The following TMEFF2 variants were observed in gnomAD, a reference collection of about 807,000 sequenced individuals.
The protein encoded by TMEFF2 is transmembrane protein with EGF like and two follistatin like domains 2.
A neutral mutation model predicts 53.8 loss-of-function variants in TMEFF2; 28 were observed. That is an observed-to-expected ratio of 0.52 (90% CI 0.39 to 0.71). The LOEUF (loss-of-function observed/expected upper bound fraction) is 0.71, where lower values mean the gene tolerates loss of function less well. Among genes scored for constraint, TMEFF2 ranks in the 30% least tolerant of loss-of-function variants. The pLI is 0.00. For missense variants in TMEFF2, 353 were observed against 455.2 expected, an observed-to-expected ratio of 0.78 and a Z score of 2.04; for synonymous variants, 162 against 166.3, an observed-to-expected ratio of 0.97 and a Z score of 0.20.
At chr2:192,082,469 A>G (rs563282891) in intron 4 of TMEFF2, among the ~76,000 whole-genome samples, 9 of 152,214 alleles carry the variant, frequency 5.9e-5, no homozygotes, top group Admixed American at 3.3e-4. Context: ...CAATGCTACC[A>G]AAAACAAATG....
chr2:192,093,085 G>A (rs1372755161), intron 4 of TMEFF2, among the ~76,000 whole-genome samples: 1 of 152,140 alleles, frequency 6.6e-6, no homozygotes, highest in Non-Finnish European at 1.5e-5. Flanking sequence ...GCTGGCCTTT[G>A]TTGGGCAGAT....
chr2:192,131,017 C>T (rs1689811247), intron 4 of TMEFF2, among the ~76,000 whole-genome samples: 1 of 152,006 alleles, frequency 6.6e-6, no homozygotes. Context: ...TGCCTTGGTC[C>T]TTCACCCTTA....
chr2:192,090,147 T>C (rs1456046475), intron 4 of TMEFF2, among the ~76,000 whole-genome samples: 5 of 152,192 alleles, frequency 3.3e-5, no homozygotes, highest in Admixed American at 3.3e-4. Context: ...ATGATAAACT[T>C]GACTGTAAAA....
At chr2:192,080,330 T>A (rs1688522926) in intron 4 of TMEFF2, among the ~76,000 whole-genome samples, 1 of 152,120 alleles carries the variant, frequency 6.6e-6, no homozygotes, top group Non-Finnish European at 1.5e-5. Flanking sequence ...TGATAGTGAG[T>A]GAGTTCTCAA....
intron 7 of TMEFF2, among the ~76,000 whole-genome samples, chr2:191,967,943 T>G (rs749627079): frequency 6.6e-6 from 1 of 152,216 alleles, no homozygotes; most frequent in Non-Finnish European, 1.5e-5. Context: ...TGTTTTAGAA[T>G]GTCTTTGTCT....
At chr2:191,990,230 T>C (rs1312709469) in intron 7 of TMEFF2, among the ~76,000 whole-genome samples, 1 of 152,168 alleles carries the variant, frequency 6.6e-6, no homozygotes, top group African/African-American at 2.4e-5. Context: ...TGTTTAGAAA[T>C]GTAATTTCTT....
rs1285016031 is a variant in TMEFF2 at position 192,073,693 on chromosome 2, C to T, written c.440-15918G>A. Among the ~76,000 whole-genome samples the T allele has an allele frequency of 5.3e-5, 8 of 151,778 alleles. No homozygotes were observed. The East Asian group carries it at 1.2e-3, about 22-fold the overall frequency. Reference sequence around the variant, plus strand: ...AAACATTCCTCATTTTTTGGTTTGTCTCTGAGGAAAATACAGAAAAACAAA... The same window carrying T: ...AAACATTCCTCATTTTTTGGTTTGTTTCTGAGGAAAATACAGAAAAACAAA... On this transcript the variant is annotated intron_variant, in intron 4 of 9. Coordinates refer to ENST00000272771, the MANE Select transcript of TMEFF2 (RefSeq NM_016192.4).
chr2:192,112,106 C>G (rs1003997410), intron 4 of TMEFF2, among the ~76,000 whole-genome samples: 2 of 152,210 alleles, frequency 1.3e-5, no homozygotes, highest in Non-Finnish European at 2.9e-5. Context: ...AGAGTTCTCA[C>G]TGGGGCACTG....
At chr2:192,080,555 G>A (rs1438522802) in intron 4 of TMEFF2, among the ~76,000 whole-genome samples, 1 of 152,120 alleles carries the variant, frequency 6.6e-6, no homozygotes, top group African/African-American at 2.4e-5. Context: ...GTATGAAATT[G>A]GACTAATAGA....
At chr2:192,048,443 A>C (rs1205398072) in intron 5 of TMEFF2, among the ~76,000 whole-genome samples, 1 of 151,630 alleles carries the variant, frequency 6.6e-6, no homozygotes, top group Non-Finnish European at 1.5e-5. Flanking sequence ...GAGAGGGATG[A>C]CATTTTCCTA....
At chr2:192,098,789 A>G (rs1209639484) in intron 4 of TMEFF2, among the ~76,000 whole-genome samples, 2 of 152,186 alleles carry the variant, frequency 1.3e-5, no homozygotes, top group South Asian at 2.1e-4. Flanking sequence ...GCCGATCATC[A>G]TAATTCATTA....
chr2:191,969,141 A>ATGTG (rs71405031), intron 7 of TMEFF2, among the ~76,000 whole-genome samples: 94,151 of 150,110 alleles, frequency 0.63, 30,636 homozygotes, highest in East Asian at 0.88. Flanking sequence ...GTGTGTATCT[A>ATGTG]TGTGTGTGTG....
At chr2:192,094,959 C>T (rs544403695) in intron 4 of TMEFF2, among the ~76,000 whole-genome samples, 1 of 152,148 alleles carries the variant, frequency 6.6e-6, no homozygotes, top group Non-Finnish European at 1.5e-5. Flanking sequence ...GGAGAGGGAG[C>T]TATTAAGCTT....
At chr2:191,994,499 A>G (rs1216130270) in intron 7 of TMEFF2, among the ~76,000 whole-genome samples, 3 of 151,716 alleles carry the variant, frequency 2.0e-5, no homozygotes, top group Non-Finnish European at 4.4e-5. Context: ...AAATATACAT[A>G]TATATACTGG....
intron 4 of TMEFF2, among the ~76,000 whole-genome samples, chr2:192,066,092 G>A (rs1366089968): frequency 6.6e-6 from 1 of 151,570 alleles, no homozygotes; most frequent in African/African-American, 2.4e-5. Flanking sequence ...AGAAAAATAA[G>A]AACAAGAAAA....
chr2:192,062,614 T>A (rs1169542309), intron 4 of TMEFF2, among the ~76,000 whole-genome samples: 2 of 152,102 alleles, frequency 1.3e-5, no homozygotes, highest in Non-Finnish European at 2.9e-5. Context: ...ATGTTTAATA[T>A]ATTTTGGGTA....
At chr2:191,972,803 A>G (rs995286080) in intron 7 of TMEFF2, among the ~76,000 whole-genome samples, 5 of 152,168 alleles carry the variant, frequency 3.3e-5, no homozygotes, top group Non-Finnish European at 7.3e-5. Context: ...GAAACATTTA[A>G]GCTCCAATGT....
At chr2:192,109,558 TTATAGA>T (rs1389748617) in intron 4 of TMEFF2, among the ~76,000 whole-genome samples, 3 of 152,090 alleles carry the variant, frequency 2.0e-5, no homozygotes. Context: ...GTTATCTCTG[TTATAGA>T]TAAGATAAAA....
chr2:191,985,722 T>C (rs1685959882), intron 7 of TMEFF2, among the ~76,000 whole-genome samples: 1 of 152,232 alleles, frequency 6.6e-6, no homozygotes, highest in East Asian at 1.9e-4. Context: ...ACAGTAATTA[T>C]TGTGGCAAAG....
Sources: gnomAD v4.1 joint callset for allele counts (sites outside exome capture counted in the v4.1 genomes callset) on GRCh38, gnomAD v4.1.1 for gene constraint, MANE v1.5 for transcripts, NCBI Gene and HGNC (gene_info 2026-07-23, HGNC 2026-07-21) for gene names.